Variants in QTGAL observed in about 807,000 individuals in gnomAD.
QTGAL encodes queuosine-tRNA galactosyltransferase.
chr17:82,990,995 T>C, the QTGAL span, among the ~76,000 whole-genome samples: 1 of 152,234 alleles, frequency 6.6e-6, no homozygotes, highest in Admixed American at 6.5e-5. Context: ...AAATAAATTC[T>C]GTTGTTTAAG....
chr17:82,964,277 G>GAAAAA, the QTGAL span, among the ~76,000 whole-genome samples: 1 of 119,798 alleles, frequency 8.3e-6, no homozygotes, highest in Non-Finnish European at 1.7e-5. Flanking sequence ...AAAAAAAAAG[G>GAAAAA]AACAAAATAT....
chr17:82,945,337 G>A, the QTGAL span: 2 of 152,232 alleles, frequency 1.3e-5, no homozygotes, highest in Admixed American at 6.5e-5. Context: ...ATGAAATGAT[G>A]CAGATATTCC....
At chr17:82,946,617 ATC>A in the QTGAL span, among the ~76,000 whole-genome samples, 1 of 118,220 alleles carries the variant, frequency 8.5e-6, no homozygotes, top group African/African-American at 2.8e-5. Context: ...TTTTAAAAAC[ATC>A]TCTTTAAAAG....
the QTGAL span, chr17:82,947,197 G>A: frequency 2.1e-3 from 1,065 of 513,002 alleles, 14 homozygotes; most frequent in Middle Eastern, 0.016. Flanking sequence ...TCACCAGAGG[G>A]GAGGCCCCCC....
the QTGAL span, among the ~76,000 whole-genome samples, chr17:82,963,061 A>C: frequency 6.6e-6 from 1 of 152,248 alleles, no homozygotes; most frequent in South Asian, 2.1e-4. Flanking sequence ...AGGGGTCACA[A>C]CCCAGAAAGG....
At chr17:83,036,703 C>T in the QTGAL span, among the ~76,000 whole-genome samples, 34 of 152,150 alleles carry the variant, frequency 2.2e-4, no homozygotes, top group African/African-American at 8.0e-4. Context: ...AGAAGCAAGG[C>T]AGCCCAGGGC....
chr17:83,035,182 C>CTTTT, the QTGAL span: 3 of 938,318 alleles, frequency 3.2e-6, no homozygotes, highest in Non-Finnish European at 4.5e-6. Flanking sequence ...ATATGATATT[C>CTTTT]TTTTTTTTTT....
chr17:83,008,020 C>G, the QTGAL span, among the ~76,000 whole-genome samples: 2 of 141,398 alleles, frequency 1.4e-5, no homozygotes, highest in African/African-American at 5.2e-5. Context: ...CCTTCCTCTG[C>G]AGGAGACCTC....
chr17:82,992,992 A>C, the QTGAL span, among the ~76,000 whole-genome samples: 1 of 152,212 alleles, frequency 6.6e-6, no homozygotes, highest in African/African-American at 2.4e-5. Flanking sequence ...AAAAGCAAGA[A>C]ATCAAATCAT....
the QTGAL span, among the ~76,000 whole-genome samples, chr17:83,016,614 G>A: frequency 6.8e-6 from 1 of 147,098 alleles, no homozygotes; most frequent in Middle Eastern, 3.4e-3. Context: ...TGAAGAGGAG[G>A]GGGGAGGAGG....
At chr17:82,959,400 C>CGT in the QTGAL span, among the ~76,000 whole-genome samples, 43,953 of 151,406 alleles carry the variant, frequency 0.29, 6,461 homozygotes, top group East Asian at 0.41. Flanking sequence ...GCAGTGAGTA[C>CGT]GTGTGTATAC....
At chr17:82,957,446 C>T in the QTGAL span, 11 of 1,611,422 alleles carry the variant, frequency 6.8e-6, no homozygotes, top group South Asian at 1.2e-4. Flanking sequence ...CCCAGCGGGG[C>T]AGGGCCTGCT....
the QTGAL span, among the ~76,000 whole-genome samples, chr17:83,033,153 A>G: frequency 3.3e-5 from 5 of 152,252 alleles, no homozygotes; most frequent in African/African-American, 1.2e-4. Flanking sequence ...TTAAATATCT[A>G]TAGTTGAGTG....
the QTGAL span, chr17:82,943,948 G>T: frequency 6.6e-6 from 1 of 152,244 alleles, no homozygotes; most frequent in Non-Finnish European, 1.5e-5. Context: ...CTTGGCTCCT[G>T]TGGTCGGCAC....
chr17:83,005,358 G>A, the QTGAL span: 73 of 695,504 alleles, frequency 1.0e-4, no homozygotes, highest in East Asian at 1.9e-4. The surrounding 1 kb of genome is among the most constrained non-coding windows in gnomAD (Gnocchi z 5.6). Context: ...GGCAAACACC[G>A]GGAGTCGAGG....
At chr17:82,957,034 C>A in the QTGAL span, 4 of 1,214,246 alleles carry the variant, frequency 3.3e-6, no homozygotes, top group East Asian at 4.7e-5. Context: ...GTTCTCCCCC[C>A]AAGAATGGGG....
the QTGAL span, among the ~76,000 whole-genome samples, chr17:83,009,735 G>C: frequency 4.6e-5 from 7 of 152,132 alleles, no homozygotes; most frequent in South Asian, 2.1e-4. Flanking sequence ...GGAGGAAGGA[G>C]GGGCCGGGCT....
At chr17:83,008,648 T>C in the QTGAL span, among the ~76,000 whole-genome samples, 7 of 152,106 alleles carry the variant, frequency 4.6e-5, no homozygotes, top group Non-Finnish European at 7.4e-5. Flanking sequence ...TGGGGCTACA[T>C]TGTCAAAGGC....
At chr17:82,951,698 C>T in the QTGAL span, among the ~76,000 whole-genome samples, 28 of 150,958 alleles carry the variant, frequency 1.9e-4, no homozygotes, top group East Asian at 4.5e-3. Context: ...AAGCGAGAGA[C>T]GTGCGACTCT....
Sources: allele counts gnomAD v4.1 joint callset (sites outside exome capture counted in the v4.1 genomes callset), GRCh38; gene constraint gnomAD v4.1.1; non-coding constraint Gnocchi (gnomAD v3.1); transcripts MANE v1.5; gene names NCBI Gene and HGNC (gene_info 2026-07-23, HGNC 2026-07-21).